The following POLA1 variants were observed in gnomAD, a reference collection of about 807,000 sequenced individuals.
POLA1 encodes the protein DNA polymerase alpha catalytic subunit.
Under a neutral mutation model 124.0 loss-of-function variants are expected in POLA1, and 15 were observed. That is an observed-to-expected ratio of 0.12 (90% CI 0.08 to 0.19). The LOEUF (loss-of-function observed/expected upper bound fraction) is 0.19, where lower values mean the gene tolerates loss of function less well. POLA1 is among the 10% of genes least tolerant of loss of function. The pLI, the probability that POLA1 is intolerant of heterozygous loss-of-function variation, is 1.00. For missense variants in POLA1, 886 were observed against 1,103.4 expected (o/e 0.80, Z 2.79); for synonymous variants, 408 against 389.4 (o/e 1.05, Z -0.56).
At chrX:24,863,339 A>C (rs1248384763) in intron 34 of POLA1, among the ~76,000 whole-genome samples, 3 of 110,443 alleles carry the variant, frequency 2.7e-5, no homozygotes, top group African/African-American at 9.9e-5. Context: ...AAGGAAAGGA[A>C]ATCAAAGCAG....
chrX:24,912,079 A>C (rs1438630612), intron 35 of POLA1, among the ~76,000 whole-genome samples: 2 of 112,436 alleles, frequency 1.8e-5, no homozygotes. Flanking sequence ...AAGTGTGGCC[A>C]TTTTATTTTT....
intron 36 of POLA1, among the ~76,000 whole-genome samples, chrX:24,954,339 T>A (rs1310851436): frequency 8.9e-6 from 1 of 112,525 alleles, no homozygotes; most frequent in Non-Finnish European, 1.9e-5. Context: ...TATTAATTCC[T>A]TTAAAAATCT....
chrX:24,916,394 C>T (rs2047533779), intron 35 of POLA1, among the ~76,000 whole-genome samples: 1 of 108,358 alleles, frequency 9.2e-6, no homozygotes, highest in African/African-American at 3.4e-5. Flanking sequence ...AATTCTCCTG[C>T]CTCAGCTTCC....
At chrX:24,771,259 T>A (rs1405687868) in intron 26 of POLA1, among the ~76,000 whole-genome samples, 1 of 111,508 alleles carries the variant, frequency 9.0e-6, no homozygotes, top group African/African-American at 3.3e-5. Flanking sequence ...CTAGGAAAAG[T>A]CTTCAGGTCT....
chrX:24,746,561 A>G (rs905885322), intron 24 of POLA1, among the ~76,000 whole-genome samples: 1 of 112,108 alleles, frequency 8.9e-6, no homozygotes, highest in Non-Finnish European at 1.9e-5. Context: ...ATTTTCATAC[A>G]TGGTACCTCA....
intron 36 of POLA1, among the ~76,000 whole-genome samples, chrX:24,935,886 A>T (rs2047842700): frequency 8.8e-6 from 1 of 113,046 alleles, no homozygotes; most frequent in African/African-American, 3.2e-5. Flanking sequence ...TAAAGTTACT[A>T]AAGTTCCTTG....
At chrX:24,863,736 C>A in intron 34 of POLA1, among the ~76,000 whole-genome samples, 1 of 111,276 alleles carries the variant, frequency 9.0e-6, no homozygotes. Context: ...TAATGGTGCT[C>A]CCGCAGTCTC....
chrX:24,732,599 G>GGT, intron 16 of POLA1, 145 bp downstream of exon 16: 2 of 210,941 alleles, frequency 9.5e-6, no homozygotes, highest in Non-Finnish European at 1.6e-5. Context: ...GTTTTTTTTT[G>GGT]TTTTTTTTTT....
At chrX:24,706,611 A>G (rs1195095890) in intron 4 of POLA1, among the ~76,000 whole-genome samples, 5 of 112,384 alleles carry the variant, frequency 4.4e-5, no homozygotes, top group Non-Finnish European at 9.4e-5. Context: ...TTCACCCTCA[A>G]TGAAAACCCT....
chrX:24,734,009 A>G (rs1249516252), intron 17 of POLA1, 193 bp downstream of exon 17: 5 of 310,625 alleles, frequency 1.6e-5, no homozygotes, highest in Non-Finnish European at 2.9e-5. Context: ...TAAATGTTTT[A>G]CTACCTGAAA....
intron 26 of POLA1, among the ~76,000 whole-genome samples, chrX:24,793,877 G>C (rs1021389349): frequency 9.1e-6 from 1 of 110,327 alleles, no homozygotes; most frequent in Non-Finnish European, 1.9e-5. Flanking sequence ...GAGCCACCGT[G>C]CCCGTCCGAA....
intron 32 of POLA1, among the ~76,000 whole-genome samples, chrX:24,838,449 T>C (rs1158751212): frequency 8.9e-6 from 1 of 112,167 alleles, no homozygotes; most frequent in African/African-American, 3.2e-5. Context: ...CCAGGCAGGC[T>C]GCTTCTTCCT....
chrX:24,877,833 A>T (rs1382498668), intron 34 of POLA1, among the ~76,000 whole-genome samples: 4 of 111,489 alleles, frequency 3.6e-5, no homozygotes, highest in Admixed American at 2.9e-4. Context: ...TGTTGCAGCC[A>T]AAGGTTAGAT....
intron 34 of POLA1, among the ~76,000 whole-genome samples, chrX:24,857,018 TTTTC>T (rs1381422450): frequency 8.9e-6 from 1 of 111,749 alleles, no homozygotes; most frequent in Non-Finnish European, 1.9e-5. Flanking sequence ...ATATCAATAT[TTTTC>T]TTTTATTGAT....
intron 26 of POLA1, among the ~76,000 whole-genome samples, chrX:24,757,772 T>G (rs1043031286): frequency 8.1e-5 from 9 of 111,163 alleles, no homozygotes; most frequent in African/African-American, 3.0e-4. Flanking sequence ...GCCATGATAC[T>G]CAAAGGAAAT....
chrX:24,958,364 T>A (rs192979498), intron 36 of POLA1, among the ~76,000 whole-genome samples: 1 of 112,068 alleles, frequency 8.9e-6, no homozygotes, highest in Admixed American at 9.4e-5. Context: ...CACAGCAGGG[T>A]CCTTAGTGAC....
At chrX:24,786,681 ATTTTTTTTTTTT>A (rs1205219554) in intron 26 of POLA1, among the ~76,000 whole-genome samples, 3 of 63,153 alleles carry the variant, frequency 4.8e-5, no homozygotes, top group African/African-American at 1.4e-4. Flanking sequence ...GGCTTGGCTA[ATTTTTTTTTTTT>A]TTTTTTTTTT....
At chrX:24,899,102 T>A (rs1252726159) in intron 35 of POLA1, among the ~76,000 whole-genome samples, 1 of 111,974 alleles carries the variant, frequency 8.9e-6, no homozygotes, top group Non-Finnish European at 1.9e-5. Flanking sequence ...TGTGACAAAC[T>A]CTGTGGGTTT....
intron 32 of POLA1, among the ~76,000 whole-genome samples, chrX:24,838,901 A>ACGTTTCAGT (rs1831590078): frequency 8.9e-6 from 1 of 112,301 alleles, no homozygotes; most frequent in African/African-American, 3.2e-5. Flanking sequence ...TTTAAAGTCT[A>ACGTTTCAGT]CTGAAACTTC....
Sources: gnomAD v4.1 joint callset for allele counts (sites outside exome capture counted in the v4.1 genomes callset) on GRCh38, gnomAD v4.1.1 for gene constraint, MANE v1.5 for transcripts, NCBI Gene and HGNC (gene_info 2026-07-23, HGNC 2026-07-21) for gene names.